The following APOLD1 variants were observed in gnomAD, a reference collection of about 807,000 sequenced individuals.
APOLD1 encodes the protein apolipoprotein L domain containing 1.
Under a neutral mutation model 15.3 loss-of-function variants are expected in APOLD1, and 22 were observed. The observed-to-expected ratio is 1.44, with a 90% CI of 1.03 to 2.05. The LOEUF (loss-of-function observed/expected upper bound fraction) is 2.05, where lower values mean the gene tolerates loss of function less well. APOLD1 is among the 30% of genes most tolerant of loss of function. APOLD1 has a pLI of 0.00. For missense variants in APOLD1, 394 were observed against 353.5 expected (o/e 1.11, Z -0.92); for synonymous variants, 190 against 167.4 (o/e 1.13, Z -1.04).
At chr12:12,774,693 G>T (rs766469944) in intron 1 of APOLD1, among the ~76,000 whole-genome samples, 7 of 151,334 alleles carry the variant, frequency 4.6e-5, no homozygotes, top group Non-Finnish European at 1.0e-4. Flanking sequence ...ATAAATATAT[G>T]AAAAGACGTC....
chr12:12,777,866 A>G (rs1220715708), intron 1 of APOLD1, among the ~76,000 whole-genome samples: 5 of 146,628 alleles, frequency 3.4e-5, no homozygotes, highest in Admixed American at 6.8e-5. Flanking sequence ...TCACCTGGAA[A>G]TATCTTCTCT....
intron 1 of APOLD1, among the ~76,000 whole-genome samples, chr12:12,761,806 A>ATATATAT (rs1565432721): frequency 5.7e-4 from 56 of 97,874 alleles, no homozygotes; most frequent in African/African-American, 2.4e-3. Context: ...TATATACATG[A>ATATATAT]ACATATACAT....
At chr12:12,781,916 T>A (rs528998808), upstream of APOLD1, among the ~76,000 whole-genome samples, 1 of 152,188 alleles carries the variant, frequency 6.6e-6, no homozygotes, top group South Asian at 2.1e-4. Flanking sequence ...AACATAGTCC[T>A]TTCCGCTAGA....
chr12:12,780,248 GC>G (rs1947068619), intron 1 of APOLD1, among the ~76,000 whole-genome samples: 1 of 95,152 alleles, frequency 1.1e-5, no homozygotes, highest in African/African-American at 3.4e-5. Flanking sequence ...ATTTTAATTT[GC>G]TTTTTTTTTT....
At chr12:12,748,258 G>A (rs1243821225) in intron 1 of APOLD1, among the ~76,000 whole-genome samples, 1 of 152,182 alleles carries the variant, frequency 6.6e-6, no homozygotes, top group Non-Finnish European at 1.5e-5. Flanking sequence ...CTTCCAATGT[G>A]TTAGCACGAG....
In APOLD1 at chr12:12,733,952, A is replaced by T. The variant is rs554027579; in HGVS notation, c.96+7856A>T. Among the ~76,000 whole-genome samples, 11 of 152,302 alleles carry T rather than the reference A, an allele frequency of 7.2e-5. No individual in the cohort carries two copies. In the South Asian group the frequency reaches 2.3e-3, roughly 32 times the overall value. On this transcript the variant is annotated intron_variant, in intron 1 of 1. Coordinates refer to the APOLD1 transcript ENST00000326765. ...ATTTTTACAATTTCTTGAACATGGA[A>T]TCAGAGTTTTTATGTCTCACATACG...
chr12:12,758,052 A>G (rs1419058448), intron 1 of APOLD1, among the ~76,000 whole-genome samples: 1 of 147,944 alleles, frequency 6.8e-6, no homozygotes, highest in Non-Finnish European at 1.5e-5. Flanking sequence ...CAGCCTCCCA[A>G]GTAGCTGGGA....
At chr12:12,778,593 G>A (rs1947056218) in intron 1 of APOLD1, among the ~76,000 whole-genome samples, 1 of 151,780 alleles carries the variant, frequency 6.6e-6, no homozygotes, top group Admixed American at 6.6e-5. Flanking sequence ...CCCCCAAAGT[G>A]CTGGGATTAC....
intron 1 of APOLD1, among the ~76,000 whole-genome samples, chr12:12,774,571 A>AG (rs1555091850): frequency 2.6e-5 from 3 of 114,234 alleles, no homozygotes; most frequent in African/African-American, 8.8e-5. Context: ...AAAAAAAAAA[A>AG]AAAGAAAGAA....
intron 1 of APOLD1, among the ~76,000 whole-genome samples, chr12:12,778,692 G>A (rs1251266497): frequency 6.6e-6 from 1 of 152,092 alleles, no homozygotes; most frequent in African/African-American, 2.4e-5. Context: ...TGGATGTGAT[G>A]GCTACCCTGT....
chr12:12,771,675 T>C, intron 1 of APOLD1: 1 of 471,120 alleles, frequency 2.1e-6, no homozygotes, highest in Middle Eastern at 7.5e-4. Context: ...TTGTCTCCTC[T>C]GGCTCCTCAA....
At chr12:12,778,623 T>G (rs1947056474) in intron 1 of APOLD1, among the ~76,000 whole-genome samples, 1 of 152,104 alleles carries the variant, frequency 6.6e-6, no homozygotes, top group African/African-American at 2.4e-5. Flanking sequence ...CCAGTGTGCC[T>G]AGCTCCTACC....
At chr12:12,756,787 C>CT (rs544681270) in intron 1 of APOLD1, among the ~76,000 whole-genome samples, 1 of 151,976 alleles carries the variant, frequency 6.6e-6, no homozygotes, top group Non-Finnish European at 1.5e-5. Context: ...TCTATAGCTG[C>CT]TTTTTTTCTT....
intron 1 of APOLD1, among the ~76,000 whole-genome samples, chr12:12,765,591 C>T (rs537975344): frequency 1.3e-5 from 2 of 152,140 alleles, no homozygotes; most frequent in African/African-American, 2.4e-5. Context: ...AAAGTGTAGG[C>T]TGGGCATGGT....
intron 1 of APOLD1, among the ~76,000 whole-genome samples, chr12:12,737,024 T>C (rs1251524883): frequency 1.3e-5 from 2 of 152,234 alleles, no homozygotes; most frequent in African/African-American, 4.8e-5. Context: ...GGCTGTGCGA[T>C]TGGCGTGAAT....
chr12:12,733,052 G>A (rs1041314292), intron 1 of APOLD1, among the ~76,000 whole-genome samples: 2 of 151,900 alleles, frequency 1.3e-5, no homozygotes, highest in Non-Finnish European at 2.9e-5. Context: ...GGTGGCTCAT[G>A]CCTGTAATCC....
At chr12:12,770,780 T>TAA (rs59764569) in intron 1 of APOLD1, among the ~76,000 whole-genome samples, 3,347 of 142,400 alleles carry the variant, frequency 0.024, 52 homozygotes, top group Non-Finnish European at 0.036. Context: ...GAATACATGT[T>TAA]AAAAAAAAAA....
At chr12:12,730,436 T>A (rs894022101) in intron 1 of APOLD1, among the ~76,000 whole-genome samples, 1 of 151,916 alleles carries the variant, frequency 6.6e-6, no homozygotes, top group African/African-American at 2.4e-5. Context: ...ATGCCAGCAC[T>A]TTGGGAGGCC....
chr12:12,790,719 ATGAGAATTTGT>A lies in APOLD1; in HGVS notation c.*3071_*3081del, dbSNP rs1471529030. 2 of 152,248 alleles carry A rather than the reference ATGAGAATTTGT, an allele frequency of 1.3e-5. No individual in the cohort carries two copies. Among genetic ancestry groups the A allele is most frequent in the African/African-American group, 4.8e-5 (2 of 41,472 alleles). The allele number at this position is 152,248 out of a possible 1,614,324, so 9.4% of individuals were successfully genotyped here. A position where few individuals can be genotyped will look rare whatever the true frequency, so the allele number is the denominator to read the frequency against. On this transcript the variant is annotated 3_prime_UTR_variant, in exon 2 of 2. Coordinates refer to ENST00000356591, the MANE Select transcript of APOLD1 (RefSeq NM_030817.3). ...TATAATTAACTGTTTAGCTATCTTA[ATGAGAATTTGT>A]TGACAACAAAAGATCATCCATCGCC... is the stretch of plus-strand genomic sequence containing the variant.
Sources: gnomAD v4.1 joint callset for allele counts (sites outside exome capture counted in the v4.1 genomes callset) on GRCh38, gnomAD v4.1.1 for gene constraint, MANE v1.5 for transcripts, NCBI Gene and HGNC (gene_info 2026-07-23, HGNC 2026-07-21) for gene names.